The following TMEM38B variants were observed in gnomAD, a reference collection of about 807,000 sequenced individuals.
TMEM38B encodes the protein trimeric intracellular cation channel type B.
Under a neutral mutation model 28.7 loss-of-function variants are expected in TMEM38B, and 24 were observed. The ratio of observed to expected loss-of-function variants is 0.84; its 90% CI spans 0.61 to 1.18. The LOEUF is 1.18. TMEM38B is among the 50% of genes most tolerant of loss of function. The probability of loss-of-function intolerance (pLI) is 0.00; values close to 1 mark genes in which losing one functional copy is unlikely to be tolerated. For missense variants in TMEM38B, 380 were observed against 350.9 expected, an observed-to-expected ratio of 1.08 and a Z score of -0.66; for synonymous variants, 131 against 127.7, an observed-to-expected ratio of 1.03 and a Z score of -0.17.
At chr9:105,733,821 T>C (rs1836864278) in intron 4 of TMEM38B, among the ~76,000 whole-genome samples, 1 of 152,064 alleles carries the variant, frequency 6.6e-6, no homozygotes, top group Non-Finnish European at 1.5e-5. Flanking sequence ...ATGTCTCTAC[T>C]TTTGTTTCTG....
Position 105,774,024 on chromosome 9 carries a change from C to G in TMEM38B, c.820C>G (p.Pro274Ala), listed in dbSNP as rs1290883582. The change falls in exon 6 of 6, where the codon CCG (proline) becomes GCG (alanine). Residue 274 changes from proline (P) to alanine (A), a missense_variant. Pro to Ala is a conservative substitution (Grantham distance 27, BLOSUM62 -1). Coordinates refer to ENST00000374692, the MANE Select transcript of TMEM38B (RefSeq NM_018112.3). The stretch of plus-strand genomic sequence containing the variant: ...TGGCGTTGGGTCATTGGCCTCAAAG[C>G]CGGTAGATGTTGCCTCAGATAATGT... ...SNGVGSLASK[P>A]VDVASDNVKK... is the part of the protein sequence containing the mutation. 1 of 1,613,574 alleles carries G rather than the reference C, an allele frequency of 6.2e-7. No homozygotes were observed. The highest frequency in any genetic ancestry group is 8.5e-7 in the Non-Finnish European group (1 of 1,179,774).
At chr9:105,724,003 T>G (rs1836420491) in intron 4 of TMEM38B, among the ~76,000 whole-genome samples, 1 of 152,026 alleles carries the variant, frequency 6.6e-6, no homozygotes, top group Non-Finnish European at 1.5e-5. Flanking sequence ...GCCCAGCTAA[T>G]TTTTGTATTT....
At chr9:105,753,908 C>T (rs967381341) in intron 5 of TMEM38B, among the ~76,000 whole-genome samples, 11 of 152,122 alleles carry the variant, frequency 7.2e-5, no homozygotes, top group African/African-American at 2.7e-4. Context: ...AGTATTCTGT[C>T]TTCAAGAAAC....
intron 2 of TMEM38B, among the ~76,000 whole-genome samples, chr9:105,708,309 G>A (rs980049975): frequency 1.3e-5 from 2 of 152,180 alleles, no homozygotes; most frequent in African/African-American, 2.4e-5. Flanking sequence ...CACTGTATTA[G>A]GTATTATAAA....
chr9:105,759,718 A>C lies in TMEM38B; in HGVS notation c.660+11528A>C, dbSNP rs898750834. On this transcript the variant is annotated intron_variant, in intron 5 of 5. Transcript: ENST00000374692. ...TAAGCCCAAACAGGAATTCCTGTTGAATCTTCATTCAGAGGAAAATATTCA... is the reference window on the plus strand; with the variant it reads ...TAAGCCCAAACAGGAATTCCTGTTGCATCTTCATTCAGAGGAAAATATTCA... 3.1e-6 allele frequency: 5 copies of C among 1,599,632 alleles called. No individual in the cohort carries two copies. The African/African-American group carries it at 6.7e-5, about 22-fold the overall frequency.
chr9:105,719,860 T>C (rs1306689840), intron 2 of TMEM38B, among the ~76,000 whole-genome samples: 1 of 152,068 alleles, frequency 6.6e-6, no homozygotes, highest in African/African-American at 2.4e-5. Context: ...TGCTCATTAC[T>C]GCTAAGGTGA....
chr9:105,700,934 G>A (rs1439529725), intron 1 of TMEM38B: 3 of 151,954 alleles, frequency 2.0e-5, no homozygotes, highest in Non-Finnish European at 4.4e-5. Flanking sequence ...GATTTAAAGA[G>A]CCAGAGGCCA....
At chr9:105,728,224 T>C (rs573947381) in intron 4 of TMEM38B, among the ~76,000 whole-genome samples, 64 of 152,272 alleles carry the variant, frequency 4.2e-4, no homozygotes, top group Middle Eastern at 3.4e-3. Context: ...GTATTTCTCC[T>C]AACACTATCT....
chr9:105,750,396 G>A (rs563872065), intron 5 of TMEM38B, among the ~76,000 whole-genome samples: 2 of 151,960 alleles, frequency 1.3e-5, no homozygotes, highest in Admixed American at 1.3e-4. Context: ...AGCTGAGGTG[G>A]GCAGATCACC....
rs181329274 is a variant in TMEM38B, at chr9:105,775,235, C to T, written c.*1155C>T. 193 of 152,100 alleles carry T rather than the reference C, an allele frequency of 1.3e-3. No individual in the cohort carries two copies. Among genetic ancestry groups the T allele is most frequent in the African/African-American group, 4.4e-3 (181 of 41,512 alleles). 9.4% of individuals were successfully genotyped at this position (152,100 alleles called of 1,614,324 possible). A position where few individuals can be genotyped will look rare whatever the true frequency, so the allele number is the denominator to read the frequency against. On this transcript the variant is annotated 3_prime_UTR_variant, in exon 6 of 6. Transcript: ENST00000374692. ...AGCTAACCAAGAAGAAACAGAGAAA[C>T]CAGAACTTCATATGGCAGTCCATTT...
chr9:105,730,115 T>C (rs1485549345), intron 4 of TMEM38B, among the ~76,000 whole-genome samples: 1 of 152,208 alleles, frequency 6.6e-6, no homozygotes, highest in East Asian at 1.9e-4. Context: ...CAATACTATG[T>C]TGAATAGGAG....
At chr9:105,706,488 C>T (rs909044487) in intron 2 of TMEM38B, among the ~76,000 whole-genome samples, 7 of 152,170 alleles carry the variant, frequency 4.6e-5, no homozygotes, top group African/African-American at 7.2e-5. Context: ...AAAGACAGAG[C>T]GAGGTTTTTA....
intron 4 of TMEM38B, among the ~76,000 whole-genome samples, chr9:105,724,170 C>T (rs372364891): frequency 2.6e-4 from 40 of 152,140 alleles, no homozygotes; most frequent in African/African-American, 8.9e-4. Context: ...AGATACGTTT[C>T]TCATGTACCT....
At chr9:105,747,163 C>T (rs1442466812) in intron 4 of TMEM38B, among the ~76,000 whole-genome samples, 1 of 152,186 alleles carries the variant, frequency 6.6e-6, no homozygotes, top group Non-Finnish European at 1.5e-5. Context: ...ACCAGCTCCT[C>T]CTTGTACCTC....
At chr9:105,723,016 A>G (rs1836378566) in intron 4 of TMEM38B, among the ~76,000 whole-genome samples, 1 of 152,202 alleles carries the variant, frequency 6.6e-6, no homozygotes, top group South Asian at 2.1e-4. Context: ...ATTTCAGGCT[A>G]TATATGTAGT....
chr9:105,714,968 T>G (rs2133567870), intron 2 of TMEM38B, among the ~76,000 whole-genome samples: 1 of 152,330 alleles, frequency 6.6e-6, no homozygotes, highest in Middle Eastern at 3.4e-3. Context: ...TATTTCTAAT[T>G]CAAATTCAGG....
rs139097837 is a variant in TMEM38B, at chr9:105,698,538, T to G, written c.112+3766T>G. On this transcript the variant is annotated intron_variant, in intron 1 of 5. Coordinates refer to ENST00000374692, the MANE Select transcript of TMEM38B (RefSeq NM_018112.3). ...AAATGTAATGTAGTGAATTACATTA[T>G]TACGTTTTTTAAAAAATGATGAATC... 3.2e-4 allele frequency among the ~76,000 whole-genome samples: 49 copies of G among 152,264 alleles called. No homozygotes were observed. In the East Asian group the frequency reaches 9.1e-3, roughly 28 times the overall value.
At chr9:105,771,811 C>G (rs1440699781) in intron 5 of TMEM38B, among the ~76,000 whole-genome samples, 2 of 152,164 alleles carry the variant, frequency 1.3e-5, no homozygotes, top group Admixed American at 1.3e-4. Context: ...TAAATGACTT[C>G]CAGATCTATA....
At chr9:105,730,662 C>T (rs1836707642) in intron 4 of TMEM38B, among the ~76,000 whole-genome samples, 1 of 152,170 alleles carries the variant, frequency 6.6e-6, no homozygotes, top group Admixed American at 6.5e-5. Flanking sequence ...CTTTATACCT[C>T]CTGTAGAATT....
Sources: gnomAD v4.1 joint callset for allele counts (sites outside exome capture counted in the v4.1 genomes callset) on GRCh38, gnomAD v4.1.1 for gene constraint, MANE v1.5 for transcripts, NCBI Gene and HGNC (gene_info 2026-07-23, HGNC 2026-07-21) for gene names.